Variants in ABCA9 observed in about 807,000 individuals in gnomAD.
The protein encoded by ABCA9 is ATP-binding cassette sub-family A member 9.
A neutral mutation model predicts 205.3 loss-of-function variants in ABCA9; 183 were observed. The observed-to-expected ratio is 0.89, with a 90% confidence interval of 0.79 to 1.01. ABCA9 has a LOEUF of 1.01. Among genes scored for constraint, ABCA9 ranks in the 50% least tolerant of loss-of-function variants. The pLI, the probability that ABCA9 is intolerant of heterozygous loss-of-function variation, is 0.00. For synonymous variants in ABCA9, 651 were observed against 683.3 expected (o/e 0.95, Z 0.74); for missense variants, 1,805 against 1,912.4 (o/e 0.94, Z 1.05).
chr17:69,007,343 G>A (rs181878887), intron 25 of ABCA9, among the ~76,000 whole-genome samples: 117 of 152,274 alleles, frequency 7.7e-4, no homozygotes, highest in Non-Finnish European at 1.4e-3. Context: ...GGAGGTTGCA[G>A]TGAGCTGAGA....
chr17:69,001,397 C>G (rs2069862290), intron 25 of ABCA9, among the ~76,000 whole-genome samples: 1 of 150,574 alleles, frequency 6.6e-6, no homozygotes, highest in South Asian at 2.1e-4. Flanking sequence ...GTCTTTGGCT[C>G]TGTTTATATG....
intron 25 of ABCA9, among the ~76,000 whole-genome samples, chr17:69,005,988 A>T (rs1418750183): frequency 1.3e-5 from 2 of 152,162 alleles, no homozygotes; most frequent in African/African-American, 4.8e-5. Context: ...TAATTTCCTC[A>T]TTTTAAAAAT....
rs749105771 is a variant in ABCA9 at position 69,033,914 on chromosome 17, T to C, written c.1129-41A>G. On this transcript the variant is annotated intron_variant, in intron 8 of 38. Coordinates refer to ENST00000340001, the MANE Select transcript of ABCA9 (RefSeq NM_080283.4). ...ACAGTGAATTTTAAAAGAATTAATA[T>C]GGCATTAAGAATTATTATTGTTTTA... is the stretch of plus-strand genomic sequence containing the variant. The C allele has an allele frequency of 3.5e-5, 51 of 1,447,366 alleles. No homozygotes were observed. The South Asian group carries it at 6.0e-4, about 17-fold the overall frequency. 89.7% of individuals were successfully genotyped at this position (1,447,366 alleles called of 1,614,324 possible). A position where few individuals can be genotyped will look rare whatever the true frequency, so the allele number is the denominator to read the frequency against.
At chr17:68,983,605 C>A in intron 36 of ABCA9, 104 bp downstream of exon 36, 1 of 1,465,630 alleles carries the variant, frequency 6.8e-7, no homozygotes, top group South Asian at 1.3e-5. Context: ...TTGCAATTAC[C>A]ATAGAGTTAA....
At chr17:69,048,830 C>T (rs112548412) in intron 3 of ABCA9, among the ~76,000 whole-genome samples, 4,954 of 152,232 alleles carry the variant, frequency 0.033, 271 homozygotes, top group African/African-American at 0.11. Context: ...GGAAAAACCA[C>T]GCCAATCTTG....
chr17:69,000,529 G>A (rs2069818831), intron 25 of ABCA9, among the ~76,000 whole-genome samples: 1 of 148,524 alleles, frequency 6.7e-6, no homozygotes, highest in Admixed American at 6.7e-5. Flanking sequence ...GGTTACTGTA[G>A]CCTTGTAGTA....
chr17:69,071,300 A>G, the ABCA9 span, among the ~76,000 whole-genome samples: 56,312 of 152,040 alleles, frequency 0.37, 11,436 homozygotes, highest in East Asian at 0.59. Flanking sequence ...TGACAGAGAG[A>G]CAACTCCCAG....
At chr17:69,014,501 T>A (rs1285933681) in intron 22 of ABCA9, among the ~76,000 whole-genome samples, 1 of 152,132 alleles carries the variant, frequency 6.6e-6, no homozygotes, top group Admixed American at 6.6e-5. Context: ...GCTCAATCTA[T>A]AATAGGAATA....
chr17:69,075,097 GGTT>G, the ABCA9 span, among the ~76,000 whole-genome samples: 1 of 151,810 alleles, frequency 6.6e-6, no homozygotes, highest in Non-Finnish European at 1.5e-5. Context: ...TGGGATTACT[GGTT>G]TTTTGCTTGT....
At chr17:69,036,570 A>G (rs1043427572) in intron 6 of ABCA9, among the ~76,000 whole-genome samples, 14 of 152,152 alleles carry the variant, frequency 9.2e-5, no homozygotes, top group African/African-American at 3.1e-4. Flanking sequence ...CAGCTACTGC[A>G]AAAACAAGCC....
rs746249596 is a variant in ABCA9, at chr17:69,043,462, A to G, written c.800+27T>C. 3 of 1,519,042 alleles carry G rather than the reference A, an allele frequency of 2.0e-6. No homozygotes were observed. The African/African-American group carries it at 4.2e-5, about 21-fold the overall frequency. The allele number at this position is 1,519,042 out of a possible 1,614,324, so 94.1% of individuals were successfully genotyped here. A position where few individuals can be genotyped will look rare whatever the true frequency, so the allele number is the denominator to read the frequency against. Reference sequence around the variant, plus strand: ...AAGTTGTTCTGTTTGTTTATGCTGTATAATGGATTGGAGTCATATGATTTA... The same window carrying G: ...AAGTTGTTCTGTTTGTTTATGCTGTGTAATGGATTGGAGTCATATGATTTA... On this transcript the variant is annotated intron_variant, in intron 6 of 38. Transcript: ENST00000340001.
intron 6 of ABCA9, among the ~76,000 whole-genome samples, chr17:69,041,228 T>C (rs1179237393): frequency 1.3e-5 from 2 of 152,178 alleles, no homozygotes; most frequent in Non-Finnish European, 2.9e-5. Flanking sequence ...CTTTCATTCA[T>C]CTGAAATTGT....
chr17:69,039,610 A>G (rs1208169532), intron 6 of ABCA9, among the ~76,000 whole-genome samples: 3 of 152,244 alleles, frequency 2.0e-5, no homozygotes, highest in Non-Finnish European at 1.5e-5. Context: ...ACCCTAGAAG[A>G]AAACCTAGGC....
chr17:69,001,020 G>T (rs1392749320), intron 25 of ABCA9, among the ~76,000 whole-genome samples: 3 of 152,046 alleles, frequency 2.0e-5, no homozygotes, highest in Non-Finnish European at 4.4e-5. Context: ...GAGATTTTGG[G>T]CTGAGACAGT....
At chr17:69,067,323 G>C in the ABCA9 span, among the ~76,000 whole-genome samples, 2 of 151,954 alleles carry the variant, frequency 1.3e-5, no homozygotes, top group Non-Finnish European at 2.9e-5. Flanking sequence ...AAGGTGGGAG[G>C]ATCTCTCGAG....
rs751508531 is a variant in ABCA9 at position 69,012,031 on chromosome 17, G to T, written c.3092C>A (p.Pro1031Gln). ...GTATGGAGTGAAAGAGGCTGCCATC[G>T]GTATCCAGAAGAAGGTGTTACTTCG... The part of the protein sequence containing the change: ...GYRSNTFFWI[P>Q]MAASFTPYIA... Residue 1031 changes from proline to glutamine, a missense_variant, in exon 23 of 39, where the codon CCG becomes CAG. Pro to Gln is a moderately conservative substitution (Grantham distance 76). Coordinates refer to ENST00000340001, the MANE Select transcript of ABCA9 (RefSeq NM_080283.4). 6.2e-7 allele frequency: 1 copy of T among 1,613,058 alleles called. No homozygotes were observed. Among genetic ancestry groups the T allele is most frequent in the East Asian group, 2.2e-5 (1 of 44,838 alleles).
chr17:69,063,369 C>G (rs571696436), upstream of ABCA9, among the ~76,000 whole-genome samples: 1 of 152,242 alleles, frequency 6.6e-6, no homozygotes, highest in Non-Finnish European at 1.5e-5. Context: ...GACTTGTCAC[C>G]CCAAGACCTG....
intron 1 of ABCA9, among the ~76,000 whole-genome samples, chr17:69,057,214 T>C (rs2072094672): frequency 1.3e-5 from 2 of 152,184 alleles, no homozygotes; most frequent in Non-Finnish European, 2.9e-5. Context: ...CAAATAGAGA[T>C]AAACAAATCA....
chr17:69,027,269 C>A, intron 14 of ABCA9, 61 bp downstream of exon 14: 1 of 1,576,004 alleles, frequency 6.3e-7, no homozygotes, highest in South Asian at 1.2e-5. Context: ...AATTGTTTGA[C>A]CTAATAAAAT....
Sources: allele counts gnomAD v4.1 joint callset (sites outside exome capture counted in the v4.1 genomes callset), GRCh38; gene constraint gnomAD v4.1.1; transcripts MANE v1.5; gene names NCBI Gene and HGNC (gene_info 2026-07-23, HGNC 2026-07-21).